Variants in CALCRL observed in about 807,000 individuals in gnomAD.
The protein encoded by CALCRL is calcitonin gene-related peptide type 1 receptor.
In CALCRL, 27 loss-of-function variants were observed where a neutral mutation model predicts 60.4. The ratio of observed to expected loss-of-function variants is 0.45; its 90% CI spans 0.33 to 0.62. The LOEUF is 0.62. Among genes scored for constraint, CALCRL ranks in the 20% least tolerant of loss-of-function variants. The probability of loss-of-function intolerance (pLI) is 0.03; values close to 1 mark genes in which losing one functional copy is unlikely to be tolerated. For missense variants in CALCRL, 424 were observed against 540.7 expected (o/e 0.78, Z 2.14); for synonymous variants, 190 against 182.6 (o/e 1.04, Z -0.33).
intron 1 of CALCRL, among the ~76,000 whole-genome samples, chr2:187,398,536 A>T (rs181095032): frequency 5.3e-4 from 81 of 151,690 alleles, no homozygotes; most frequent in African/African-American, 1.7e-3. Context: ...TGCCCTTAAT[A>T]AAATGAACCT....
intron 1 of CALCRL, among the ~76,000 whole-genome samples, chr2:187,417,346 C>T (rs1218025827): frequency 6.6e-6 from 1 of 151,908 alleles, no homozygotes; most frequent in Non-Finnish European, 1.5e-5. Flanking sequence ...ATCAATGGAA[C>T]CCAGAAAAGC....
intron 1 of CALCRL, among the ~76,000 whole-genome samples, chr2:187,403,342 G>A (rs995352322): frequency 4.0e-5 from 6 of 151,796 alleles, no homozygotes; most frequent in Non-Finnish European, 7.4e-5. Context: ...GGGTGGTGGG[G>A]AAATACCTGA....
intron 9 of CALCRL, 115 bp from the exon 10 acceptor site, chr2:187,360,866 A>T: frequency 9.2e-6 from 8 of 866,534 alleles, no homozygotes; most frequent in South Asian, 2.6e-5. Context: ...AAAATCCTAT[A>T]CATTAATGAT....
At chr2:187,387,574 T>C (rs927489685) in intron 2 of CALCRL, 81 bp from the exon 3 acceptor site, 2 of 376,470 alleles carry the variant, frequency 5.3e-6, no homozygotes, top group African/African-American at 4.2e-5. Context: ...CAGAAAACAA[T>C]GAGTCAGTTT....
At chr2:187,400,654 A>G (rs531353347) in intron 1 of CALCRL, among the ~76,000 whole-genome samples, 3 of 151,668 alleles carry the variant, frequency 2.0e-5, no homozygotes, top group African/African-American at 7.2e-5. Flanking sequence ...GAATGGATAA[A>G]CAAAATATGA....
intron 1 of CALCRL, among the ~76,000 whole-genome samples, chr2:187,408,162 G>A (rs1275123188): frequency 2.0e-5 from 3 of 151,904 alleles, no homozygotes; most frequent in Non-Finnish European, 2.9e-5. Flanking sequence ...AATACATTAA[G>A]TATTGAAAGC....
intron 4 of CALCRL, among the ~76,000 whole-genome samples, chr2:187,384,735 C>T (rs1228657202): frequency 1.3e-5 from 2 of 151,980 alleles, no homozygotes; most frequent in African/African-American, 4.8e-5. Flanking sequence ...TTGTTTCCAT[C>T]TTTGTGGTGT....
intron 1 of CALCRL, among the ~76,000 whole-genome samples, chr2:187,398,228 C>T (rs1574274728): frequency 6.6e-6 from 1 of 151,650 alleles, no homozygotes; most frequent in East Asian, 1.9e-4. Flanking sequence ...ACACATCTTT[C>T]CAGCTCTTTG....
chr2:187,355,112 G>A (rs1686713637), intron 12 of CALCRL, among the ~76,000 whole-genome samples: 1 of 151,990 alleles, frequency 6.6e-6, no homozygotes, highest in South Asian at 2.1e-4. Context: ...TTAACAGAAA[G>A]CATCTCATTT....
At chr2:187,433,360 A>G (rs1375895589) in intron 1 of CALCRL, among the ~76,000 whole-genome samples, 2 of 152,078 alleles carry the variant, frequency 1.3e-5, no homozygotes, top group Admixed American at 6.6e-5. Flanking sequence ...ACTTCTGGCT[A>G]TCAGAAAATG....
chr2:187,443,523 A>T (rs1167226174), intron 1 of CALCRL, among the ~76,000 whole-genome samples: 1 of 151,704 alleles, frequency 6.6e-6, no homozygotes, highest in Non-Finnish European at 1.5e-5. Flanking sequence ...TACTTCTATA[A>T]ATACCATATA....
At chr2:187,407,149 G>GAAA (rs1689173438) in intron 1 of CALCRL, among the ~76,000 whole-genome samples, 1 of 151,652 alleles carries the variant, frequency 6.6e-6, no homozygotes, top group African/African-American at 2.4e-5. Context: ...AAAGCTATTT[G>GAAA]AGGGCATTGC....
intron 1 of CALCRL, among the ~76,000 whole-genome samples, chr2:187,405,801 A>G (rs961470367): frequency 2.6e-5 from 4 of 152,036 alleles, no homozygotes; most frequent in African/African-American, 7.2e-5. Context: ...AATTAAGCTT[A>G]GCAGAAAGTT....
intron 9 of CALCRL, among the ~76,000 whole-genome samples, chr2:187,362,877 T>C (rs1248507660): frequency 1.3e-5 from 2 of 152,132 alleles, no homozygotes; most frequent in Admixed American, 1.3e-4. Flanking sequence ...CCTGGTTTTA[T>C]TGACTTTTTA....
chr2:187,431,289 T>C (rs1393602954), intron 1 of CALCRL: 1 of 155,080 alleles, frequency 6.4e-6, no homozygotes, highest in Middle Eastern at 5.2e-4. Flanking sequence ...TTGTAATATA[T>C]GCAATACCTG....
chr2:187,348,006 T>C (rs563865206), intron 14 of CALCRL, among the ~76,000 whole-genome samples: 1 of 151,858 alleles, frequency 6.6e-6, no homozygotes, highest in South Asian at 2.1e-4. Flanking sequence ...AAAAAATATA[T>C]GGTAACCATA....
At chr2:187,383,342 A>G in intron 4 of CALCRL, 37 bp from the exon 5 acceptor site, 1 of 1,555,624 alleles carries the variant, frequency 6.4e-7, no homozygotes, top group Non-Finnish European at 8.7e-7. Context: ...CAACTTCATG[A>G]AAAGGATTAT....
At chr2:187,397,737 ACT>A (rs1044891394) in intron 1 of CALCRL, among the ~76,000 whole-genome samples, 1 of 151,186 alleles carries the variant, frequency 6.6e-6, no homozygotes, top group African/African-American at 2.4e-5. Flanking sequence ...ATTATTCCAC[ACT>A]CTATGTCTTT....
chr2:187,385,824 C>A (rs1688182438), intron 3 of CALCRL, among the ~76,000 whole-genome samples, 193 bp from the exon 4 acceptor site: 1 of 152,022 alleles, frequency 6.6e-6, no homozygotes, highest in East Asian at 1.9e-4. Context: ...AATCTTGGCT[C>A]ACTGCAGCCT....
Sources: allele counts gnomAD v4.1 joint callset (sites outside exome capture counted in the v4.1 genomes callset), GRCh38; gene constraint gnomAD v4.1.1; transcripts MANE v1.5; gene names NCBI Gene and HGNC (gene_info 2026-07-23, HGNC 2026-07-21).